MYO9A: variants seen among roughly 807,000 people sequenced by gnomAD.
MYO9A encodes the protein myosin IXA.
Under a neutral mutation model 293.3 loss-of-function variants are expected in MYO9A, and 103 were observed. That is an observed-to-expected ratio of 0.35 (90% CI 0.30 to 0.41). MYO9A has a LOEUF of 0.41. MYO9A is among the 10% of genes least tolerant of loss of function. MYO9A has a pLI of 1.00. For synonymous variants in MYO9A, 1,001 were observed against 1,035.7 expected (o/e 0.97, Z 0.64); for missense variants, 2,685 against 3,033.0 (o/e 0.89, Z 2.69).
chr15:71,958,232 A>G (rs2059248014), intron 14 of MYO9A, among the ~76,000 whole-genome samples: 1 of 152,136 alleles, frequency 6.6e-6, no homozygotes, highest in Non-Finnish European at 1.5e-5. Context: ...TCATCTTAAT[A>G]TGACTGCATA....
chr15:71,929,102 C>T (rs1392481359), intron 18 of MYO9A, among the ~76,000 whole-genome samples: 1 of 150,944 alleles, frequency 6.6e-6, no homozygotes, highest in Non-Finnish European at 1.5e-5. Context: ...AGAAACACTG[C>T]TGATTTTTGT....
chr15:71,898,123 G>A lies in MYO9A; in HGVS notation c.4380C>T (p.Asn1460=), dbSNP rs1291625889. ...TAGEALTLDI[N]RETRRYHCSG... ...AGCAGTGATACCTTCTAGTTTCCCT[G>A]TTGATATCCAAAGTAAGAGCTTCCC... Residue 1460 remains asparagine, a synonymous_variant, in exon 25 of 42, where the codon AAC becomes AAT. Coordinates refer to ENST00000356056, the MANE Select transcript of MYO9A (RefSeq NM_006901.4). 6.2e-7 allele frequency: 1 copy of A among 1,614,070 alleles called. No homozygotes were observed. The highest frequency in any genetic ancestry group is 1.1e-5 in the South Asian group (1 of 91,068).
chr15:71,902,926 A>T lies in MYO9A; in HGVS notation c.3000+15T>A. On this transcript the variant is annotated intron_variant, in intron 22 of 41. Transcript: ENST00000356056. ...TGCACTCAATTTTGACCAGAGCTAT[A>T]CAGATTATATTTACCATGGTTTTTC... 1 of 1,554,200 alleles carries T rather than the reference A, an allele frequency of 6.4e-7. No homozygotes were observed.
intron 15 of MYO9A, among the ~76,000 whole-genome samples, chr15:71,943,952 G>A (rs560822170): frequency 1.3e-5 from 2 of 152,174 alleles, no homozygotes; most frequent in African/African-American, 2.4e-5. Flanking sequence ...AACTGTTTTC[G>A]GAAATAACTG....
intron 11 of MYO9A, among the ~76,000 whole-genome samples, chr15:71,982,884 T>C (rs1275953973): frequency 6.6e-6 from 1 of 152,246 alleles, no homozygotes; most frequent in Non-Finnish European, 1.5e-5. Flanking sequence ...AGGAAGTGAA[T>C]AATGCTAAAG....
In MYO9A at chr15:71,854,418, G is replaced by A. The variant is rs761314303; in HGVS notation, c.6305C>T (p.Ser2102Leu). The A allele has an allele frequency of 2.2e-5, 35 of 1,604,390 alleles. No individual in the cohort carries two copies. Among genetic ancestry groups the A allele is most frequent in the Non-Finnish European group, 2.6e-5 (30 of 1,176,126 alleles). ...YTEGIYRKSG[S>L]TNKIKELRQG... is the part of the protein sequence containing the mutation. Reference sequence around the variant, plus strand: ...CCGAAGCTCCTTGATTTTATTAGTCGAACCAGACTTTCGATAAATACCTTC... The same window carrying A: ...CCGAAGCTCCTTGATTTTATTAGTCAAACCAGACTTTCGATAAATACCTTC... Residue 2102 changes from serine (S) to leucine (L), a missense_variant, in exon 35 of 42, where the codon TCG (serine) becomes TTG (leucine). Physicochemically the swap from Ser to Leu is moderately radical, Grantham distance 145. Around this residue, in one of 10 missense-constraint regions of MYO9A, gnomAD observed 238 missense variants for 269.1 expected, o/e 0.88. Coordinates refer to ENST00000356056, the MANE Select transcript of MYO9A (RefSeq NM_006901.4).
intron 13 of MYO9A, among the ~76,000 whole-genome samples, chr15:71,965,341 G>GT (rs1238262733): frequency 1.3e-5 from 2 of 151,634 alleles, no homozygotes; most frequent in Non-Finnish European, 2.9e-5. Context: ...TCTTTTTTAA[G>GT]TTTTTTTCTT....
chr15:72,103,774 T>C (rs2080475000), intron 1 of MYO9A, among the ~76,000 whole-genome samples: 1 of 152,206 alleles, frequency 6.6e-6, no homozygotes, highest in South Asian at 2.1e-4. Context: ...AGGAAAACTA[T>C]ATTGTTTAAG....
intron 11 of MYO9A, among the ~76,000 whole-genome samples, chr15:71,985,282 G>C (rs911930077): frequency 4.0e-5 from 6 of 151,034 alleles, no homozygotes; most frequent in African/African-American, 7.3e-5. Context: ...GTCTCTGTCT[G>C]TCTCTCTCTC....
At chr15:71,840,543 T>G (rs1205054143) in intron 39 of MYO9A, among the ~76,000 whole-genome samples, 1 of 152,388 alleles carries the variant, frequency 6.6e-6, no homozygotes, top group Non-Finnish European at 1.5e-5. Flanking sequence ...TAGATTAATT[T>G]AGAAGAACTG....
intron 15 of MYO9A, 192 bp downstream of exon 15, chr15:71,951,585 A>G (rs2059051696): frequency 1.9e-6 from 1 of 533,276 alleles, no homozygotes; most frequent in Non-Finnish European, 3.1e-6. Context: ...AAAAGTCACC[A>G]AAGTTAAAAA....
chr15:71,986,658 T>C (rs1411922058), intron 11 of MYO9A, among the ~76,000 whole-genome samples: 1 of 152,218 alleles, frequency 6.6e-6, no homozygotes, highest in Non-Finnish European at 1.5e-5. Context: ...AAAAAGTTTT[T>C]AAAGTTTTAA....
At chr15:72,048,291 C>A (rs1289427103) in intron 1 of MYO9A, among the ~76,000 whole-genome samples, 1 of 151,560 alleles carries the variant, frequency 6.6e-6, no homozygotes, top group Non-Finnish European at 1.5e-5. Flanking sequence ...CCCAGCTACT[C>A]AGGGGCCTGA....
At chr15:71,849,936 TG>T in intron 38 of MYO9A, 99 bp downstream of exon 38, 1 of 943,524 alleles carries the variant, frequency 1.1e-6, no homozygotes, top group Non-Finnish European at 1.5e-6. Context: ...TAAAAACACC[TG>T]AATTTATGAA....
At chr15:72,118,417 A>C (rs2081088788), upstream of MYO9A, 1 of 155,214 alleles carries the variant, frequency 6.4e-6, no homozygotes, top group Middle Eastern at 3.0e-3. Flanking sequence ...CTTTCCGGCC[A>C]ACACAGAGGT....
At position 71,935,432 on chromosome 15, in the gene MYO9A, G is replaced by C; in HGVS notation, c.2431C>G (p.Leu811Val). The C allele has an allele frequency of 6.2e-7, 1 of 1,613,650 alleles. No homozygotes were observed. Among genetic ancestry groups the C allele is most frequent in the East Asian group, 2.2e-5 (1 of 44,864 alleles). Residue 811 changes from leucine (L) to valine (V), a missense_variant, in exon 17 of 42, where the codon CTA becomes GTA. Leu to Val is a conservative substitution (Grantham distance 32). Transcript: ENST00000356056. ...TCAAGCAAGGAGGTGCCACTTGATA[G>C]TCTGCTCTGGCGAATCCCAGTTCTG... ...NGRTGIRQSR[L>V]SSGTSLLDKD... is the part of the protein sequence containing the mutation.
chr15:71,909,128 A>G (rs2057759584), intron 19 of MYO9A, among the ~76,000 whole-genome samples: 1 of 152,174 alleles, frequency 6.6e-6, no homozygotes, highest in African/African-American at 2.4e-5. Flanking sequence ...CATTGTCTGA[A>G]TGTACCATAG....
At chr15:71,910,788 G>A (rs1182710451) in intron 19 of MYO9A, among the ~76,000 whole-genome samples, 3 of 152,130 alleles carry the variant, frequency 2.0e-5, no homozygotes, top group Non-Finnish European at 4.4e-5. Context: ...GCCTATTTGA[G>A]ACTTTTGTCC....
intron 3 of MYO9A, among the ~76,000 whole-genome samples, chr15:72,029,019 C>G (rs966159684): frequency 2.0e-5 from 3 of 152,032 alleles, no homozygotes; most frequent in Admixed American, 1.3e-4. Flanking sequence ...GGATATTATG[C>G]GTACACAAAG....
Sources: gnomAD v4.1 joint callset for allele counts (sites outside exome capture counted in the v4.1 genomes callset) on GRCh38, gnomAD v4.1.1 for gene constraint, gnomAD v4.1.1 regional missense constraint, MANE v1.5 for transcripts, NCBI Gene and HGNC (gene_info 2026-07-23, HGNC 2026-07-21) for gene names.